MGLL: variants seen among roughly 807,000 people sequenced by gnomAD.
The protein encoded by MGLL is lysophospholipase homolog.
In MGLL, 7 loss-of-function variants were observed where a neutral mutation model predicts 29.1. The ratio of observed to expected loss-of-function variants is 0.24; its 90% CI spans 0.14 to 0.45. MGLL has a LOEUF of 0.45. Among genes scored for constraint, MGLL ranks in the 20% least tolerant of loss-of-function variants. MGLL has a pLI of 0.99. For missense variants in MGLL, 356 were observed against 413.6 expected (o/e 0.86, Z 1.21); for synonymous variants, 148 against 168.3 (o/e 0.88, Z 0.93).
chr3:127,797,551 C>T lies in MGLL; in HGVS notation c.156-15656G>A, dbSNP rs9836225. 7.0e-3 allele frequency among the ~76,000 whole-genome samples: 1,066 copies of T among 152,270 alleles called. 11 individuals carry two copies. The highest frequency in any genetic ancestry group is 0.024 in the African/African-American group (1,011 of 41,548). ...TGCCTAAGACATATAATGCCTAAGA[C>T]ATCCGGAATGTCACTAGACTCCTCA... On this transcript the variant is annotated intron_variant, in intron 2 of 7. Coordinates refer to ENST00000265052, the MANE Select transcript of MGLL (RefSeq NM_007283.7).
intron 2 of MGLL, among the ~76,000 whole-genome samples, chr3:127,786,996 C>T (rs918014638): frequency 2.0e-5 from 3 of 152,214 alleles, no homozygotes; most frequent in Non-Finnish European, 2.9e-5. Context: ...GACACAGGAA[C>T]ACTGCAGCCT....
At chr3:127,723,561 C>T (rs186127584) in intron 3 of MGLL, among the ~76,000 whole-genome samples, 3 of 152,046 alleles carry the variant, frequency 2.0e-5, no homozygotes, top group East Asian at 1.9e-4. Context: ...GTCGCCCCCC[C>T]ACGGTCTGTC....
intron 3 of MGLL, among the ~76,000 whole-genome samples, chr3:127,729,106 C>T (rs2076099225): frequency 6.6e-6 from 1 of 151,766 alleles, no homozygotes; most frequent in Admixed American, 6.6e-5. Context: ...TGTATTTAGC[C>T]AAGCAGAAGA....
chr3:127,760,408 G>A (rs549112898), intron 3 of MGLL, among the ~76,000 whole-genome samples: 23 of 152,248 alleles, frequency 1.5e-4, no homozygotes, highest in South Asian at 2.1e-4. Flanking sequence ...CACAGGGCAC[G>A]TGGGTGCTGA....
intron 2 of MGLL, among the ~76,000 whole-genome samples, chr3:127,811,710 C>T (rs147494278): frequency 2.0e-3 from 305 of 152,312 alleles, no homozygotes; most frequent in Non-Finnish European, 3.6e-3. Context: ...TGAAAAACTG[C>T]CACCTTAATA....
intron 3 of MGLL, among the ~76,000 whole-genome samples, chr3:127,772,283 C>T (rs965900136): frequency 6.6e-6 from 1 of 152,222 alleles, no homozygotes; most frequent in East Asian, 1.9e-4. Flanking sequence ...CTCCCCCAAC[C>T]TCTAAGTGCA....
At chr3:127,734,317 G>A (rs766283595) in intron 3 of MGLL, among the ~76,000 whole-genome samples, 1 of 152,224 alleles carries the variant, frequency 6.6e-6, no homozygotes, top group African/African-American at 2.4e-5. Context: ...GGCCGGCCTA[G>A]AGTAAGGAGG....
chr3:127,800,618 G>A (rs746134499), intron 2 of MGLL, among the ~76,000 whole-genome samples: 3 of 152,310 alleles, frequency 2.0e-5, no homozygotes, highest in African/African-American at 2.4e-5. Context: ...CAGGCTACCC[G>A]TGCATTAGTC....
At chr3:127,783,143 CAAAAAAAAAAA>C (rs72041528) in intron 2 of MGLL, among the ~76,000 whole-genome samples, 2 of 63,930 alleles carry the variant, frequency 3.1e-5, no homozygotes, top group African/African-American at 1.3e-4. Flanking sequence ...GACTCTGTCT[CAAAAAAAAAAA>C]AAAAAAAAAA....
chr3:127,728,299 AC>A (rs2076084471), intron 3 of MGLL, among the ~76,000 whole-genome samples: 1 of 151,070 alleles, frequency 6.6e-6, no homozygotes, highest in Non-Finnish European at 1.5e-5. Context: ...TAAGAAAACT[AC>A]CTGTTTATCC....
intron 6 of MGLL, 132 bp downstream of exon 6, chr3:127,710,444 A>T: frequency 1.2e-6 from 1 of 859,536 alleles, no homozygotes; most frequent in Non-Finnish European, 1.9e-6. Flanking sequence ...CTAATGCACC[A>T]CTGTGTCCTT....
At chr3:127,735,921 C>A in intron 3 of MGLL, 1 of 1,517,844 alleles carries the variant, frequency 6.6e-7, no homozygotes, top group South Asian at 1.2e-5. Context: ...AGCTGGTCTG[C>A]ACCTTCAGTT....
At chr3:127,796,205 T>C (rs935004915) in intron 2 of MGLL, among the ~76,000 whole-genome samples, 5 of 152,206 alleles carry the variant, frequency 3.3e-5, no homozygotes, top group Non-Finnish European at 5.9e-5. Flanking sequence ...AAAGCAGATA[T>C]TACTAATCAA....
In MGLL at chr3:127,774,708, TCAG is replaced by T. The variant is rs774114531; in HGVS notation, c.262+7078_262+7080del. Among the ~76,000 whole-genome samples the T allele has an allele frequency of 3.7e-3, 565 of 151,902 alleles. 7 individuals carry two copies. Among genetic ancestry groups the T allele is most frequent in the Admixed American group, 0.023 (354 of 15,258 alleles). The stretch of plus-strand genomic sequence containing the variant: ...GTTACACACACTCTCTCAGGGGTCC[TCAG>T]CAGCAGCAGCAGCAGCAGCAGCACC... On this transcript the variant is annotated intron_variant, in intron 3 of 7. Transcript: ENST00000265052.
intron 2 of MGLL, among the ~76,000 whole-genome samples, chr3:127,794,137 C>T (rs1275886356): frequency 1.3e-5 from 2 of 152,046 alleles, no homozygotes; most frequent in African/African-American, 4.8e-5. Context: ...TGGCGAAACC[C>T]CATCTCTACC....
chr3:127,742,334 A>G (rs544018610), intron 3 of MGLL, among the ~76,000 whole-genome samples: 1 of 152,272 alleles, frequency 6.6e-6, no homozygotes, highest in South Asian at 2.1e-4. Flanking sequence ...TCATGCCTGT[A>G]ACCTCAGCAC....
rs371613630 is a variant in MGLL at position 127,781,804 on chromosome 3, A to G, written c.247T>C (p.Phe83Leu). The G allele has an allele frequency of 1.2e-4, 189 of 1,613,982 alleles. No individual in the cohort carries two copies. The highest frequency in any genetic ancestry group is 1.6e-4 in the Non-Finnish European group (185 of 1,180,018). The change falls in exon 3 of 8, where the codon TTC becomes CTC. Residue 83 changes from phenylalanine to leucine, a missense_variant. By Grantham distance (22) the Phe-to-Leu change is conservative. Coordinates refer to ENST00000265052, the MANE Select transcript of MGLL (RefSeq NM_007283.7). Reference protein sequence around the residue: ...RMLMGLDLLVFAHDHVGHGQS... With the variant: ...RMLMGLDLLVLAHDHVGHGQS... ...GGACACTCACCATGGTCGTGGGCGAACACCAGCAGGTCCAGCCCCATCAGC... is the reference window on the plus strand; with the variant it reads ...GGACACTCACCATGGTCGTGGGCGAGCACCAGCAGGTCCAGCCCCATCAGC...
At chr3:127,755,975 C>T (rs906656031) in intron 3 of MGLL, among the ~76,000 whole-genome samples, 1 of 152,176 alleles carries the variant, frequency 6.6e-6, no homozygotes, top group African/African-American at 2.4e-5. Flanking sequence ...CCCTAGCAAT[C>T]AGTGTGGCTA....
In MGLL at chr3:127,689,738, G is replaced by T. The variant is rs940398807; in HGVS notation, c.*2460C>A. 5 of 152,286 alleles carry T rather than the reference G, an allele frequency of 3.3e-5. No homozygotes were observed. Among genetic ancestry groups the T allele is most frequent in the Non-Finnish European group, 7.3e-5 (5 of 68,070 alleles). 9.4% of individuals were successfully genotyped at this position (152,286 alleles called of 1,614,324 possible). ...AGTATCGAGAAGGAACTCAACGCAA[G>T]GCTTCACAGCTTTCCAAGGACAGGG... On this transcript the variant is annotated 3_prime_UTR_variant, in exon 8 of 8. Transcript: ENST00000265052.
Sources: gnomAD v4.1 joint callset for allele counts (sites outside exome capture counted in the v4.1 genomes callset) on GRCh38, gnomAD v4.1.1 for gene constraint, MANE v1.5 for transcripts, NCBI Gene and HGNC (gene_info 2026-07-23, HGNC 2026-07-21) for gene names.